Variants in PHF14 observed in about 807,000 individuals in gnomAD.
PHF14 encodes PHD finger protein 14.
In PHF14, 55 loss-of-function variants were observed where a neutral mutation model predicts 117.9. That is an observed-to-expected ratio of 0.47 (90% CI 0.38 to 0.58). PHF14 has a LOEUF of 0.58. Among genes scored for constraint, PHF14 ranks in the 20% least tolerant of loss-of-function variants. PHF14 has a pLI of 0.00. For synonymous variants in PHF14, 409 were observed against 368.6 expected, an observed-to-expected ratio of 1.11 and a Z score of -1.26; for missense variants, 978 against 1,122.2, an observed-to-expected ratio of 0.87 and a Z score of 1.84.
intron 17 of PHF14, among the ~76,000 whole-genome samples, chr7:11,123,640 T>G (rs1368217058): frequency 6.6e-6 from 1 of 151,988 alleles, no homozygotes; most frequent in Non-Finnish European, 1.5e-5. Context: ...ATTAGCTGGG[T>G]GCAGTGGTGT....
At chr7:11,109,823 G>T (rs954484234) in intron 16 of PHF14, 1 of 151,824 alleles carries the variant, frequency 6.6e-6, no homozygotes, top group Admixed American at 6.6e-5. Flanking sequence ...GGTCCTATTT[G>T]ATTTTATCTA....
At chr7:11,132,537 T>A (rs1788118963) in intron 17 of PHF14, among the ~76,000 whole-genome samples, 1 of 151,874 alleles carries the variant, frequency 6.6e-6, no homozygotes, top group African/African-American at 2.4e-5. Flanking sequence ...CTATTGTGAA[T>A]AATGCTGCAG....
At chr7:11,081,389 T>C (rs1786094280) in intron 16 of PHF14, among the ~76,000 whole-genome samples, 1 of 152,178 alleles carries the variant, frequency 6.6e-6, no homozygotes, top group Admixed American at 6.5e-5. Flanking sequence ...GTGCTCATTA[T>C]AATAGTGAAA....
At chr7:11,082,082 G>A (rs989399860) in intron 16 of PHF14, among the ~76,000 whole-genome samples, 5 of 149,640 alleles carry the variant, frequency 3.3e-5, no homozygotes, top group African/African-American at 1.2e-4. Flanking sequence ...AGTGGCTCAC[G>A]CTTGTAATCC....
At chr7:11,038,703 T>C in intron 10 of PHF14, 57 bp from the exon 11 acceptor site, 1 of 659,992 alleles carries the variant, frequency 1.5e-6, no homozygotes, top group Non-Finnish European at 2.5e-6. Context: ...GAAATGTAGA[T>C]ATTTCTTAAA....
chr7:11,015,737 C>T (rs1002720428), intron 5 of PHF14, among the ~76,000 whole-genome samples: 17 of 152,014 alleles, frequency 1.1e-4, no homozygotes, highest in Admixed American at 2.6e-4. Flanking sequence ...TTACTACTGC[C>T]GTTACTGCTG....
At chr7:11,135,675 A>G (rs897476145) in intron 17 of PHF14, among the ~76,000 whole-genome samples, 3 of 152,174 alleles carry the variant, frequency 2.0e-5, no homozygotes, top group Admixed American at 1.3e-4. Context: ...AAATGTAACT[A>G]TAGCTTTCAA....
At chr7:11,001,081 C>T (rs1160695689) in intron 4 of PHF14, among the ~76,000 whole-genome samples, 5 of 151,898 alleles carry the variant, frequency 3.3e-5, no homozygotes, top group East Asian at 1.9e-4. Flanking sequence ...TACGAGTATA[C>T]GGTCTGTCTC....
At chr7:11,115,430 A>G (rs542410638) in intron 17 of PHF14, among the ~76,000 whole-genome samples, 2 of 152,198 alleles carry the variant, frequency 1.3e-5, no homozygotes, top group South Asian at 4.1e-4. Flanking sequence ...TAAATAAGCT[A>G]GTACTATAGA....
At chr7:11,068,320 A>C (rs1165045279) in intron 16 of PHF14, among the ~76,000 whole-genome samples, 2 of 134,516 alleles carry the variant, frequency 1.5e-5, no homozygotes, top group Non-Finnish European at 1.5e-5. Context: ...ACTGCACTCC[A>C]GCCTGGGTGA....
intron 17 of PHF14, among the ~76,000 whole-genome samples, chr7:11,145,474 G>A (rs1261852822): frequency 1.3e-5 from 2 of 151,954 alleles, no homozygotes; most frequent in African/African-American, 4.8e-5. Flanking sequence ...AAATTCATTA[G>A]GCAGTTACTT....
intron 16 of PHF14, among the ~76,000 whole-genome samples, chr7:11,075,214 C>T (rs1487169054): frequency 2.6e-5 from 4 of 152,154 alleles, no homozygotes; most frequent in Non-Finnish European, 4.4e-5. Flanking sequence ...GCTGGGATTA[C>T]AGGTGTGGGC....
intron 16 of PHF14, among the ~76,000 whole-genome samples, chr7:11,075,952 A>T (rs1785833393): frequency 6.6e-6 from 1 of 152,080 alleles, no homozygotes; most frequent in South Asian, 2.1e-4. Flanking sequence ...TAATACGATG[A>T]AACCCCGTCT....
At chr7:11,121,898 C>T (rs909234101) in intron 17 of PHF14, among the ~76,000 whole-genome samples, 2 of 151,484 alleles carry the variant, frequency 1.3e-5, no homozygotes, top group African/African-American at 4.9e-5. Context: ...CCAGAACGTA[C>T]AGGTTTGTTC....
At chr7:11,070,059 A>C (rs773897054) in intron 16 of PHF14, among the ~76,000 whole-genome samples, 1 of 152,148 alleles carries the variant, frequency 6.6e-6, no homozygotes, top group Non-Finnish European at 1.5e-5. Flanking sequence ...TAATAAATTC[A>C]GTTTTTAGAA....
intron 4 of PHF14, among the ~76,000 whole-genome samples, chr7:11,006,239 A>C (rs1783086976): frequency 6.6e-6 from 1 of 152,182 alleles, no homozygotes; most frequent in Non-Finnish European, 1.5e-5. Flanking sequence ...TCTTTATTAC[A>C]ATGTGCATTC....
At chr7:11,091,459 A>T (rs1364042613) in intron 16 of PHF14, among the ~76,000 whole-genome samples, 1 of 152,156 alleles carries the variant, frequency 6.6e-6, no homozygotes. Context: ...TTATGGGATT[A>T]TAAATATAAA....
intron 16 of PHF14, among the ~76,000 whole-genome samples, chr7:11,094,884 C>T (rs568431595): frequency 2.9e-4 from 44 of 152,270 alleles, no homozygotes; most frequent in African/African-American, 9.9e-4. Context: ...CTGACATCAG[C>T]TCTCTCATGG....
intron 16 of PHF14, among the ~76,000 whole-genome samples, chr7:11,090,782 G>A (rs1294145510): frequency 6.6e-6 from 1 of 152,194 alleles, no homozygotes; most frequent in Non-Finnish European, 1.5e-5. Context: ...GTTTATAAGA[G>A]ACAGAAGAAT....
Sources: gnomAD v4.1 joint callset for allele counts (sites outside exome capture counted in the v4.1 genomes callset) on GRCh38, gnomAD v4.1.1 for gene constraint, MANE v1.5 for transcripts, NCBI Gene and HGNC (gene_info 2026-07-23, HGNC 2026-07-21) for gene names.